The following TCF4 variants were observed in gnomAD, a reference collection of about 807,000 sequenced individuals.
TCF4 encodes the protein SL3-3 enhancer factor 2.
In TCF4, 3 loss-of-function variants were observed where a neutral mutation model predicts 82.1. The ratio of observed to expected loss-of-function variants is 0.04; its 90% confidence interval spans 0.02 to 0.09. The LOEUF is 0.09. TCF4 is among the 10% of genes least tolerant of loss of function. The probability of loss-of-function intolerance (pLI) is 1.00; values close to 1 mark genes in which losing one functional copy is unlikely to be tolerated. For missense variants in TCF4, 518 were observed against 852.7 expected (o/e 0.61, Z 4.89); for synonymous variants, 276 against 309.6 (o/e 0.89, Z 1.14).
chr18:55,505,036 G>A (rs1332004034), intron 3 of TCF4, among the ~76,000 whole-genome samples: 1 of 152,166 alleles, frequency 6.6e-6, no homozygotes. Context: ...TCCTATAAAT[G>A]TGAACAAGAC....
chr18:55,339,639 T>G (rs1480468807), intron 8 of TCF4, among the ~76,000 whole-genome samples: 1 of 152,136 alleles, frequency 6.6e-6, no homozygotes, highest in Admixed American at 6.5e-5. Flanking sequence ...GGAAAAGACA[T>G]TCATTGTGGA....
At chr18:55,394,764 G>A (rs1204483427) in intron 6 of TCF4, among the ~76,000 whole-genome samples, 8 of 152,132 alleles carry the variant, frequency 5.3e-5, no homozygotes, top group Non-Finnish European at 8.8e-5. Context: ...AAAACAACAC[G>A]CTGAACATGA....
intron 19 of TCF4, 78 bp from the exon 20 acceptor site, chr18:55,228,108 C>A (rs1197829348): frequency 1.5e-6 from 2 of 1,374,738 alleles, no homozygotes; most frequent in Non-Finnish European, 1.0e-6. Context: ...AAAAAAAATT[C>A]TTTTTCCATG....
At chr18:55,484,762 T>C (rs2096491583) in intron 3 of TCF4, among the ~76,000 whole-genome samples, 1 of 152,246 alleles carries the variant, frequency 6.6e-6, no homozygotes. Flanking sequence ...TGACTTCCTT[T>C]TTTATTCAGA....
At chr18:55,396,348 A>T (rs2093489423) in intron 6 of TCF4, among the ~76,000 whole-genome samples, 1 of 152,184 alleles carries the variant, frequency 6.6e-6, no homozygotes, top group Non-Finnish European at 1.5e-5. Context: ...TTATATTGGC[A>T]CCTAATACTA....
Position 55,465,379 on chromosome 18 carries a change from GCAA to G in TCF4, c.146-1245_146-1243del, listed in dbSNP as rs1177514730. ...TCAGAATATCTTAAGAGATAGAAAA[GCAA>G]CAACAACTAAGTTATTACCATTAAA... On this transcript the variant is annotated intron_variant, in intron 3 of 19. Coordinates refer to ENST00000354452, the MANE Select transcript of TCF4 (RefSeq NM_001083962.2). Among the ~76,000 whole-genome samples, 9 of 151,730 alleles carry G rather than the reference GCAA, an allele frequency of 5.9e-5. No homozygotes were observed. In the South Asian group the frequency reaches 8.3e-4, roughly 14 times the overall value.
chr18:55,228,721 A>G, intron 18 of TCF4, 126 bp downstream of exon 18: 2 of 1,031,576 alleles, frequency 1.9e-6, no homozygotes, highest in Non-Finnish European at 2.9e-6. Flanking sequence ...CTGCAATGGA[A>G]ACAATTCTTT....
rs780638244 is a variant in TCF4 at position 55,461,019 on chromosome 18, T to G, written c.304A>C (p.Ser102Arg). 4 of 1,612,718 alleles carry G rather than the reference T, an allele frequency of 2.5e-6. No homozygotes were observed. The highest frequency in any genetic ancestry group is 3.4e-6 in the Non-Finnish European group (4 of 1,179,170). The change falls in exon 5 of 20, where the codon AGT becomes CGT. Residue 102 changes from serine to arginine, a missense_variant and splice_region_variant. This residue lies in a region of TCF4 where 80 missense variants were observed against 93.8 expected (regional missense o/e 0.85). Coordinates refer to ENST00000354452, the MANE Select transcript of TCF4 (RefSeq NM_001083962.2). The part of the protein sequence containing the change: ...SPPFVNSRIQ[S>R]KTERGSYSSY... ...TAAGTTAATTTAAAATGGGTCTTAC[T>G]TTGTATTCTGGAATTGACAAAAGGT...
intron 8 of TCF4, among the ~76,000 whole-genome samples, chr18:55,314,851 A>G (rs2073672559): frequency 6.6e-6 from 1 of 152,102 alleles, no homozygotes; most frequent in Non-Finnish European, 1.5e-5. Flanking sequence ...GTTTTTCCCA[A>G]CATAGCAATT....
intron 3 of TCF4, among the ~76,000 whole-genome samples, chr18:55,548,680 TGGC>T (rs2097228839): frequency 6.6e-6 from 1 of 152,214 alleles, no homozygotes; most frequent in Non-Finnish European, 1.5e-5. Context: ...CTAGGCTATA[TGGC>T]ATAGCCTATT....
upstream of TCF4, among the ~76,000 whole-genome samples, chr18:55,590,628 C>G (rs779210233): frequency 2.0e-5 from 3 of 152,150 alleles, no homozygotes; most frequent in Non-Finnish European, 4.4e-5. Flanking sequence ...CTCTTAATTC[C>G]TTGCTAAATC....
chr18:55,248,571 T>G (rs910671553), intron 15 of TCF4, among the ~76,000 whole-genome samples: 4 of 152,210 alleles, frequency 2.6e-5, no homozygotes, highest in Admixed American at 2.0e-4. Flanking sequence ...GCAGGCAGCC[T>G]AGGGCCAACT....
intron 3 of TCF4, among the ~76,000 whole-genome samples, chr18:55,499,322 ACAACGTGAGAGCCTAGCATTCTACTCCC>A (rs2096671818): frequency 4.6e-5 from 7 of 152,246 alleles, no homozygotes; most frequent in African/African-American, 1.7e-4. Flanking sequence ...GGAATCTGAT[ACAACGTGAGAGCCTAGCATTCTACTCCC>A]ACCTGAGAAC....
At chr18:55,294,559 G>A (rs1414265755) in intron 8 of TCF4, among the ~76,000 whole-genome samples, 1 of 152,132 alleles carries the variant, frequency 6.6e-6, no homozygotes, top group Non-Finnish European at 1.5e-5. Context: ...AATCGTAAGT[G>A]GCTTCCATAG....
chr18:55,486,960 G>C (rs2096524544), intron 3 of TCF4, among the ~76,000 whole-genome samples: 1 of 152,078 alleles, frequency 6.6e-6, no homozygotes, highest in Admixed American at 6.5e-5. Flanking sequence ...CCTAACTTCA[G>C]CAAAGGTGCC....
At chr18:55,290,055 C>T (rs942592767) in intron 8 of TCF4, among the ~76,000 whole-genome samples, 3 of 152,118 alleles carry the variant, frequency 2.0e-5, no homozygotes, top group Non-Finnish European at 1.5e-5. Flanking sequence ...GAAAGATAAA[C>T]ATTCATTGGT....
intron 3 of TCF4, among the ~76,000 whole-genome samples, chr18:55,518,669 T>G (rs2096906240): frequency 6.6e-6 from 1 of 152,232 alleles, no homozygotes; most frequent in South Asian, 2.1e-4. Context: ...CCCAGAAATA[T>G]GAAAATTGTG....
intron 8 of TCF4, 65 bp downstream of exon 8, chr18:55,350,294 C>T: frequency 6.6e-7 from 1 of 1,523,960 alleles, no homozygotes; most frequent in Admixed American, 1.7e-5. Flanking sequence ...ACTTCTATCT[C>T]CTTCCCATCA....
At chr18:55,416,358 T>C (rs1191570600) in intron 5 of TCF4, among the ~76,000 whole-genome samples, 2 of 152,152 alleles carry the variant, frequency 1.3e-5, no homozygotes, top group Admixed American at 6.5e-5. Context: ...TAATTTCAAA[T>C]AGGTTAGAAT....
Sources: gnomAD v4.1 joint callset for allele counts (sites outside exome capture counted in the v4.1 genomes callset) on GRCh38, gnomAD v4.1.1 for gene constraint, gnomAD v4.1.1 regional missense constraint, MANE v1.5 for transcripts, NCBI Gene and HGNC (gene_info 2026-07-23, HGNC 2026-07-21) for gene names.